The following LHFPL3 variants were observed in gnomAD, a reference collection of about 807,000 sequenced individuals.
The protein encoded by LHFPL3 is LHFPL tetraspan subfamily member 3.
Under a neutral mutation model 19.3 loss-of-function variants are expected in LHFPL3, and 5 were observed. The observed-to-expected ratio is 0.26, with a 90% confidence interval of 0.14 to 0.54. The LOEUF (loss-of-function observed/expected upper bound fraction) is 0.54. LHFPL3 is among the 20% of genes least tolerant of loss of function. The pLI is 0.94. For synonymous variants in LHFPL3, 133 were observed against 126.2 expected (o/e 1.05, Z -0.36); for missense variants, 249 against 307.4 (o/e 0.81, Z 1.42).
intron 1 of LHFPL3, among the ~76,000 whole-genome samples, chr7:104,414,952 G>C (rs1791594230): frequency 6.6e-6 from 1 of 152,190 alleles, no homozygotes; most frequent in Non-Finnish European, 1.5e-5. Context: ...ATTCATTCAT[G>C]GGTCAGCCTG....
intron 1 of LHFPL3, among the ~76,000 whole-genome samples, chr7:104,593,357 G>A (rs1790768380): frequency 1.3e-5 from 2 of 152,158 alleles, no homozygotes; most frequent in Non-Finnish European, 2.9e-5. Context: ...TTTTGAGTGA[G>A]TTTCTTAATC....
At chr7:104,840,656 C>T (rs1028442784) in intron 2 of LHFPL3, among the ~76,000 whole-genome samples, 1 of 151,710 alleles carries the variant, frequency 6.6e-6, no homozygotes, top group Non-Finnish European at 1.5e-5. Flanking sequence ...ACCCTCCCCC[C>T]ACTGAACACC....
At chr7:104,816,795 G>T (rs1790565919) in intron 2 of LHFPL3, among the ~76,000 whole-genome samples, 2 of 152,226 alleles carry the variant, frequency 1.3e-5, no homozygotes, top group Admixed American at 6.5e-5. Context: ...ATCTCACCTT[G>T]CCTGACTTAA....
At chr7:104,533,236 C>T (rs1011672643) in intron 1 of LHFPL3, among the ~76,000 whole-genome samples, 4 of 152,212 alleles carry the variant, frequency 2.6e-5, no homozygotes, top group African/African-American at 9.7e-5. Context: ...CTGAAACTCT[C>T]TTCTCCACTA....
At chr7:104,521,009 T>C (rs1794047688) in intron 1 of LHFPL3, among the ~76,000 whole-genome samples, 1 of 151,988 alleles carries the variant, frequency 6.6e-6, no homozygotes, top group African/African-American at 2.4e-5. Flanking sequence ...GTGTTTGCTC[T>C]AGCTTTTCTA....
intron 1 of LHFPL3, among the ~76,000 whole-genome samples, chr7:104,362,781 A>G (rs992594339): frequency 2.0e-5 from 3 of 152,226 alleles, no homozygotes; most frequent in African/African-American, 7.2e-5. Context: ...TTTGGTGGGC[A>G]TGGGGCTAGG....
At chr7:104,486,637 G>A (rs1026620079) in intron 1 of LHFPL3, among the ~76,000 whole-genome samples, 1 of 152,212 alleles carries the variant, frequency 6.6e-6, no homozygotes, top group East Asian at 1.9e-4. Context: ...ATGTGGAGAA[G>A]GGGTGCAGAT....
intron 1 of LHFPL3, among the ~76,000 whole-genome samples, chr7:104,693,605 CT>C (rs1416610901): frequency 2.0e-5 from 3 of 152,242 alleles, no homozygotes; most frequent in Admixed American, 6.5e-5. Flanking sequence ...CTCTGCTGCC[CT>C]GTGAAGAGGT....
At chr7:104,898,041 ACT>A (rs1562829517) in intron 2 of LHFPL3, among the ~76,000 whole-genome samples, 1 of 125,840 alleles carries the variant, frequency 7.9e-6, no homozygotes, top group East Asian at 2.2e-4. Flanking sequence ...ACAGAGTCTC[ACT>A]CTGTTGCCCA....
Position 104,906,399 on chromosome 7 carries a change from T to C in LHFPL3, c.*184T>C, listed in dbSNP as rs1472688593. ...CTTTCTAAATCTAGATCAGCAGAGA[T>C]GGGAGTGATTTTCTGGAAAGAGATG... On this transcript the variant is annotated 3_prime_UTR_variant, in exon 3 of 3. Coordinates refer to ENST00000424859, the MANE Select transcript of LHFPL3 (RefSeq NM_199000.3). 7 of 649,246 alleles carry C rather than the reference T, an allele frequency of 1.1e-5. No individual in the cohort carries two copies. The highest frequency in any genetic ancestry group is 3.7e-5 in the African/African-American group (2 of 54,306). The allele number at this position is 649,246 out of a possible 1,614,324, so 40.2% of individuals were successfully genotyped here.
At position 104,480,073 on chromosome 7, in the gene LHFPL3, A is replaced by G. The variant is rs79748604; in HGVS notation, c.445+150849A>G. On this transcript the variant is annotated intron_variant, in intron 1 of 2. Transcript: ENST00000424859. ...CAGATCAGACATCTGGAATCATTTCATCATGGATACACGTATGAGAAGAAG... is the reference window on the plus strand; with the variant it reads ...CAGATCAGACATCTGGAATCATTTCGTCATGGATACACGTATGAGAAGAAG... Among the ~76,000 whole-genome samples, 626 of 152,346 alleles carry G rather than the reference A, an allele frequency of 4.1e-3. 23 individuals are homozygous for G. In the East Asian group the frequency reaches 0.1, roughly 24 times the overall value.
chr7:104,746,456 GT>G, intron 2 of LHFPL3, among the ~76,000 whole-genome samples: 1 of 152,142 alleles, frequency 6.6e-6, no homozygotes, highest in South Asian at 2.1e-4. Context: ...TAACTCCCTT[GT>G]TTTACTGATG....
chr7:104,509,444 A>G (rs976659819), intron 1 of LHFPL3, among the ~76,000 whole-genome samples: 1 of 152,152 alleles, frequency 6.6e-6, no homozygotes, highest in Non-Finnish European at 1.5e-5. Context: ...AAATTAACCA[A>G]TATAATCCAC....
intron 1 of LHFPL3, among the ~76,000 whole-genome samples, chr7:104,382,386 G>T (rs757654783): frequency 2.6e-5 from 4 of 152,192 alleles, no homozygotes; most frequent in Non-Finnish European, 5.9e-5. Flanking sequence ...CGCTTGGGAG[G>T]GTGAGGCAAG....
At chr7:104,411,965 A>C (rs1791543065) in intron 1 of LHFPL3, among the ~76,000 whole-genome samples, 1 of 152,176 alleles carries the variant, frequency 6.6e-6, no homozygotes, top group Non-Finnish European at 1.5e-5. Context: ...CTCCCGTCCG[A>C]CTGTGTGCTC....
At chr7:104,559,661 A>G (rs1010527479) in intron 1 of LHFPL3, among the ~76,000 whole-genome samples, 3 of 152,166 alleles carry the variant, frequency 2.0e-5, no homozygotes, top group African/African-American at 7.2e-5. Context: ...TCCTAACTGA[A>G]TACCCTTTAT....
intron 1 of LHFPL3, among the ~76,000 whole-genome samples, chr7:104,486,174 G>T (rs1345959071): frequency 1.3e-5 from 2 of 152,144 alleles, no homozygotes; most frequent in African/African-American, 2.4e-5. Context: ...ATGTATTCCT[G>T]TAAAACATTC....
At chr7:104,693,288 G>A (rs1378988917) in intron 1 of LHFPL3, among the ~76,000 whole-genome samples, 1 of 152,140 alleles carries the variant, frequency 6.6e-6, no homozygotes, top group East Asian at 1.9e-4. Context: ...CTATGGACTT[G>A]GACTTTTGGG....
intron 1 of LHFPL3, among the ~76,000 whole-genome samples, chr7:104,619,430 C>CT (rs962175969): frequency 2.8e-4 from 42 of 151,812 alleles, no homozygotes; most frequent in East Asian, 7.7e-4. Flanking sequence ...ATCCCTTTTT[C>CT]TTTTTTTTCA....
Sources: gnomAD v4.1 joint callset for allele counts (sites outside exome capture counted in the v4.1 genomes callset) on GRCh38, gnomAD v4.1.1 for gene constraint, MANE v1.5 for transcripts, NCBI Gene and HGNC (gene_info 2026-07-23, HGNC 2026-07-21) for gene names.